FAM184B: variants seen among roughly 807,000 people sequenced by gnomAD.
FAM184B encodes the protein protein FAM184B.
FAM184B carries 111 observed loss-of-function variants against 135.9 expected under a neutral mutation model. The observed-to-expected ratio is 0.82, with a 90% CI of 0.70 to 0.96. The LOEUF is 0.96. FAM184B is among the 40% of genes least tolerant of loss of function. The probability of loss-of-function intolerance (pLI) is 0.00; values close to 1 mark genes in which losing one functional copy is unlikely to be tolerated. For missense variants in FAM184B, 1,375 were observed against 1,323.9 expected, an observed-to-expected ratio of 1.04 and a Z score of -0.60; for synonymous variants, 552 against 524.8, an observed-to-expected ratio of 1.05 and a Z score of -0.71.
At chr4:17,674,369 C>G (rs1282175427) in intron 7 of FAM184B, among the ~76,000 whole-genome samples, 1 of 152,050 alleles carries the variant, frequency 6.6e-6, no homozygotes, top group African/African-American at 2.4e-5. Flanking sequence ...AATCTTATGT[C>G]TAAAAATACA....
At chr4:17,757,710 C>A (rs1056197653) in intron 1 of FAM184B, among the ~76,000 whole-genome samples, 1 of 148,380 alleles carries the variant, frequency 6.7e-6, no homozygotes, top group Non-Finnish European at 1.5e-5. Context: ...CGTATACTTT[C>A]TAATGTTACA....
At chr4:17,742,557 G>A (rs897548501) in intron 1 of FAM184B, among the ~76,000 whole-genome samples, 3 of 152,084 alleles carry the variant, frequency 2.0e-5, no homozygotes, top group Non-Finnish European at 2.9e-5. Flanking sequence ...CCCCTATCCT[G>A]TGCCTATAAA....
intron 11 of FAM184B, among the ~76,000 whole-genome samples, chr4:17,651,537 C>CAAAAAAAAA (rs751455835): frequency 2.8e-4 from 12 of 43,112 alleles, no homozygotes; most frequent in Non-Finnish European, 4.2e-4. Flanking sequence ...GACTCTGTCT[C>CAAAAAAAAA]AAAAAAAAAA....
intron 12 of FAM184B, among the ~76,000 whole-genome samples, chr4:17,646,618 ATACCTAATGTAAATGACG>A (rs1472983122): frequency 1.3e-5 from 2 of 152,172 alleles, no homozygotes; most frequent in African/African-American, 2.4e-5. Flanking sequence ...ATTAGGAGAT[ATACCTAATGTAAATGACG>A]AGTTAATGGG....
At chr4:17,702,386 C>T (rs1404163105) in intron 5 of FAM184B, among the ~76,000 whole-genome samples, 1 of 152,070 alleles carries the variant, frequency 6.6e-6, no homozygotes, top group Non-Finnish European at 1.5e-5. Context: ...CATCAAGATT[C>T]GGTGACAGTA....
chr4:17,663,689 G>A (rs372623135), intron 8 of FAM184B, among the ~76,000 whole-genome samples: 18 of 151,840 alleles, frequency 1.2e-4, no homozygotes, highest in African/African-American at 4.4e-4. Flanking sequence ...CCTCACCCAG[G>A]AGTCAAGCTC....
intron 1 of FAM184B, among the ~76,000 whole-genome samples, chr4:17,749,489 TA>T (rs1220049372): frequency 4.6e-5 from 7 of 152,184 alleles, no homozygotes; most frequent in Middle Eastern, 3.4e-3. Context: ...GAAACAGATC[TA>T]AAAATTGAAT....
rs939451197 is a variant in FAM184B, at chr4:17,633,995, A to G, written c.2890-107T>C. The G allele has an allele frequency of 4.0e-5, 36 of 891,988 alleles. No individual in the cohort carries two copies. In the Middle Eastern group the frequency reaches 2.2e-3, roughly 55 times the overall value. 55.3% of individuals were successfully genotyped at this position (891,988 alleles called of 1,614,324 possible). A position where few individuals can be genotyped will look rare whatever the true frequency, so the allele number is the denominator to read the frequency against. On this transcript the variant is annotated intron_variant, in intron 16 of 17. Coordinates refer to ENST00000265018, the MANE Select transcript of FAM184B (RefSeq NM_015688.2). ...CCCAATCAAAATTGTATCGGAGAAG[A>G]AGCAACAATTTCATTTATACACTTA...
chr4:17,652,448 C>G (rs1345013249), intron 11 of FAM184B, among the ~76,000 whole-genome samples: 1 of 152,180 alleles, frequency 6.6e-6, no homozygotes, highest in East Asian at 1.9e-4. Context: ...CTCATTTAAT[C>G]CACACAGTGA....
chr4:17,692,373 C>G (rs912091422), intron 6 of FAM184B, among the ~76,000 whole-genome samples: 2 of 152,172 alleles, frequency 1.3e-5, no homozygotes, highest in African/African-American at 2.4e-5. Context: ...GAAATATCAA[C>G]TCTAAGGAAA....
chr4:17,745,306 G>C (rs762687548), intron 1 of FAM184B, among the ~76,000 whole-genome samples: 1 of 152,216 alleles, frequency 6.6e-6, no homozygotes, highest in Non-Finnish European at 1.5e-5. Flanking sequence ...GAGAGAACCT[G>C]ATGTGGGGAG....
intron 1 of FAM184B, among the ~76,000 whole-genome samples, chr4:17,727,041 T>C (rs1307971272): frequency 6.6e-6 from 1 of 152,010 alleles, no homozygotes; most frequent in Non-Finnish European, 1.5e-5. Flanking sequence ...TCAAAGGAAA[T>C]TAGAAACCTG....
At chr4:17,747,127 C>A (rs1026387864) in intron 1 of FAM184B, among the ~76,000 whole-genome samples, 1 of 151,430 alleles carries the variant, frequency 6.6e-6, no homozygotes, top group African/African-American at 2.4e-5. Flanking sequence ...TTCCTGGGTA[C>A]GTATAATGTG....
chr4:17,647,128 T>TTC (rs949235807), intron 12 of FAM184B, among the ~76,000 whole-genome samples: 2 of 150,040 alleles, frequency 1.3e-5, no homozygotes, highest in African/African-American at 4.9e-5. Flanking sequence ...CTTAAAACCT[T>TTC]TTTTTTTTTC....
chr4:17,712,434 G>A (rs1717301572), intron 1 of FAM184B, among the ~76,000 whole-genome samples: 1 of 152,114 alleles, frequency 6.6e-6, no homozygotes, highest in Admixed American at 6.5e-5. Flanking sequence ...GGCTGCCTGG[G>A]GCATTTACAA....
intron 1 of FAM184B, among the ~76,000 whole-genome samples, chr4:17,747,531 C>T (rs1718192940): frequency 6.6e-6 from 1 of 152,146 alleles, no homozygotes; most frequent in African/African-American, 2.4e-5. Flanking sequence ...GTGGCTTACA[C>T]CTGTAATCCT....
At chr4:17,694,306 G>A (rs779810813) in intron 5 of FAM184B, among the ~76,000 whole-genome samples, 11 of 152,122 alleles carry the variant, frequency 7.2e-5, no homozygotes, top group Non-Finnish European at 1.3e-4. Flanking sequence ...GGTGGATCAC[G>A]AGGTCAGCAG....
At chr4:17,636,292 G>GA (rs1159557260) in intron 15 of FAM184B, among the ~76,000 whole-genome samples, 1 of 152,140 alleles carries the variant, frequency 6.6e-6, no homozygotes, top group African/African-American at 2.4e-5. Context: ...TTTTAGTAGA[G>GA]ACAGGGTTTC....
chr4:17,661,700 G>A (rs1356752770), intron 8 of FAM184B, among the ~76,000 whole-genome samples: 1 of 152,186 alleles, frequency 6.6e-6, no homozygotes, highest in Non-Finnish European at 1.5e-5. Flanking sequence ...AGGGATACCT[G>A]GGTCTGAACT....
Sources: gnomAD v4.1 joint callset for allele counts (sites outside exome capture counted in the v4.1 genomes callset) on GRCh38, gnomAD v4.1.1 for gene constraint, MANE v1.5 for transcripts, NCBI Gene and HGNC (gene_info 2026-07-23, HGNC 2026-07-21) for gene names.